Variants in TENT5D observed in about 807,000 individuals in gnomAD.
TENT5D encodes the protein cancer/testis antigen 112.
For missense variants in TENT5D, 191 were observed against 287.0 expected (o/e 0.67, Z 2.42); for synonymous variants, 103 against 100.6 (o/e 1.02, Z -0.15).
chrX:80,391,964 T>A (rs1440545572), intron 3 of TENT5D, among the ~76,000 whole-genome samples: 1 of 112,463 alleles, frequency 8.9e-6, no homozygotes, highest in Non-Finnish European at 1.9e-5. Context: ...TTTGGTATAA[T>A]AGAAAGAGTA....
upstream of TENT5D, among the ~76,000 whole-genome samples, chrX:80,418,967 C>T (rs1931830711): frequency 9.0e-6 from 1 of 111,458 alleles, no homozygotes; most frequent in South Asian, 3.7e-4. Flanking sequence ...ACTCTTTGTT[C>T]ATCATGTCCA....
chrX:80,358,797 C>T (rs1358025775), intron 3 of TENT5D, among the ~76,000 whole-genome samples: 2 of 111,690 alleles, frequency 1.8e-5, no homozygotes, highest in South Asian at 3.7e-4. Flanking sequence ...ATCAAACTGA[C>T]GTACATTAAA....
chrX:80,388,694 T>C (rs977812211), intron 3 of TENT5D, among the ~76,000 whole-genome samples: 6 of 111,828 alleles, frequency 5.4e-5, no homozygotes, highest in African/African-American at 9.7e-5. Context: ...TTGCTAGTTA[T>C]ACTGCCTGCG....
chrX:80,408,033 A>C (rs1432927778), intron 3 of TENT5D, among the ~76,000 whole-genome samples: 3 of 109,844 alleles, frequency 2.7e-5, no homozygotes, highest in South Asian at 8.1e-4. Flanking sequence ...GGCAGAAATA[A>C]AGATGTTCTT....
At chrX:80,437,942 C>A (rs1039289870) in intron 1 of TENT5D, among the ~76,000 whole-genome samples, 2 of 111,100 alleles carry the variant, frequency 1.8e-5, no homozygotes, top group Non-Finnish European at 3.8e-5. Context: ...AGATTTAGGA[C>A]CACAATACAA....
intron 3 of TENT5D, among the ~76,000 whole-genome samples, chrX:80,383,581 G>A (rs1417099687): frequency 1.8e-5 from 2 of 112,284 alleles, no homozygotes; most frequent in African/African-American, 6.5e-5. Context: ...CTTGGGCCGG[G>A]CGCATTGGCT....
chrX:80,394,873 A>T (rs1326752142), intron 3 of TENT5D, among the ~76,000 whole-genome samples: 2 of 111,654 alleles, frequency 1.8e-5, no homozygotes, highest in African/African-American at 6.5e-5. Flanking sequence ...TAGTGAGAAT[A>T]TTCAAAATTT....
intron 1 of TENT5D, among the ~76,000 whole-genome samples, chrX:80,429,246 G>A (rs1487408295): frequency 9.0e-6 from 1 of 111,511 alleles, no homozygotes; most frequent in African/African-American, 3.3e-5. Flanking sequence ...GTTCTGGCTT[G>A]CCATACTGAT....
chrX:80,395,273 G>A (rs1166458618), intron 3 of TENT5D, among the ~76,000 whole-genome samples: 1 of 111,982 alleles, frequency 8.9e-6, no homozygotes, highest in East Asian at 2.8e-4. Context: ...TTCATTGATG[G>A]AAACAGATTG....
intron 3 of TENT5D, among the ~76,000 whole-genome samples, chrX:80,362,176 T>G (rs1363102435): frequency 9.0e-6 from 1 of 111,386 alleles, no homozygotes; most frequent in Non-Finnish European, 1.9e-5. Context: ...CTTTTTTTTT[T>G]TTCTTGAGAC....
chrX:80,424,807 G>C (rs2147561482), intron 1 of TENT5D, among the ~76,000 whole-genome samples: 1 of 112,657 alleles, frequency 8.9e-6, no homozygotes, highest in Admixed American at 9.4e-5. Context: ...TTTTAGATGG[G>C]CTTTGATGGA....
chrX:80,343,145 A>G (rs1398595421), intron 3 of TENT5D, among the ~76,000 whole-genome samples: 2 of 111,210 alleles, frequency 1.8e-5, no homozygotes, highest in Non-Finnish European at 3.8e-5. Context: ...AATGCAGCTC[A>G]TACCAGGTAC....
At chrX:80,366,158 A>G in intron 3 of TENT5D, among the ~76,000 whole-genome samples, 1 of 109,605 alleles carries the variant, frequency 9.1e-6, no homozygotes, top group East Asian at 2.9e-4. Context: ...ATAATATTAA[A>G]TAGATCTCTC....
intron 1 of TENT5D, among the ~76,000 whole-genome samples, chrX:80,435,650 A>C (rs1602224118): frequency 8.9e-6 from 1 of 112,349 alleles, no homozygotes; most frequent in East Asian, 2.8e-4. Context: ...ATTTAGAACA[A>C]CTGATAAACA....
rs181910245 is a variant in TENT5D at position 80,440,363 on chromosome X, C to T, written c.-19+1631C>T. ...TGGTAAACAAAATCCTATCTTCTCC[C>T]TTCTCTGATATCTAGGAGCAGATCC... On this transcript the variant is annotated intron_variant, in intron 2 of 2. Coordinates refer to ENST00000308293, the Ensembl canonical transcript of TENT5D. Among the ~76,000 whole-genome samples, 218 of 110,814 alleles carry T rather than the reference C, an allele frequency of 2.0e-3. 2 individuals are homozygous for T. The highest frequency in any genetic ancestry group is 7.0e-3 in the African/African-American group (215 of 30,723).
chrX:80,444,798 A>G (rs1196117784), exon 3 of TENT5D: 1 of 122,874 alleles, frequency 8.1e-6, no homozygotes, highest in East Asian at 2.8e-4. Flanking sequence ...ATACCTTTAC[A>G]GTATATCTAA....
intron 3 of TENT5D, among the ~76,000 whole-genome samples, chrX:80,377,649 G>C (rs1403751151): frequency 1.8e-5 from 2 of 112,005 alleles, no homozygotes; most frequent in African/African-American, 6.5e-5. Context: ...TGGACATTTG[G>C]GTTGGTTCCA....
chrX:80,363,101 A>T (rs191007778), intron 3 of TENT5D, among the ~76,000 whole-genome samples: 9 of 111,773 alleles, frequency 8.1e-5, no homozygotes, highest in Admixed American at 7.7e-4. Context: ...AGTGTTAAAA[A>T]GTACTTAAAA....
intron 3 of TENT5D, among the ~76,000 whole-genome samples, chrX:80,402,657 A>C (rs1280568881): frequency 9.0e-6 from 1 of 111,607 alleles, no homozygotes; most frequent in Non-Finnish European, 1.9e-5. Flanking sequence ...TTTTTTCAGG[A>C]GCATGGTATT....
Sources: allele counts gnomAD v4.1 joint callset (sites outside exome capture counted in the v4.1 genomes callset), GRCh38; gene constraint gnomAD v4.1.1; transcripts MANE v1.5; gene names NCBI Gene and HGNC (gene_info 2026-07-23, HGNC 2026-07-21).